SHISA6: variants seen among roughly 807,000 people sequenced by gnomAD.
SHISA6 encodes the protein protein shisa-6.
Under a neutral mutation model 47.9 loss-of-function variants are expected in SHISA6, and 22 were observed. That is an observed-to-expected ratio of 0.46 (90% CI 0.33 to 0.66). SHISA6 has a LOEUF of 0.66. Among genes scored for constraint, SHISA6 ranks in the 30% least tolerant of loss-of-function variants. The pLI is 0.02. For missense variants in SHISA6, 680 were observed against 764.6 expected, an observed-to-expected ratio of 0.89 and a Z score of 1.30; for synonymous variants, 388 against 337.8, an observed-to-expected ratio of 1.15 and a Z score of -1.63.
intron 2 of SHISA6, among the ~76,000 whole-genome samples, chr17:11,297,727 G>T (rs1335271160): frequency 1.3e-5 from 2 of 152,224 alleles, no homozygotes; most frequent in Non-Finnish European, 2.9e-5. Flanking sequence ...GGGAGGGGAA[G>T]CTGCTAGGAC....
chr17:11,416,359 C>G (rs1392888300), intron 3 of SHISA6, among the ~76,000 whole-genome samples: 1 of 152,174 alleles, frequency 6.6e-6, no homozygotes, highest in East Asian at 1.9e-4. Flanking sequence ...TGGTGGATCT[C>G]CAAGACGGCA....
intron 3 of SHISA6, among the ~76,000 whole-genome samples, chr17:11,500,896 T>C (rs1597553933): frequency 6.6e-6 from 1 of 152,140 alleles, no homozygotes. Context: ...CAAAGCATAG[T>C]GTGCCAGGTA....
chr17:11,313,808 C>T (rs551578943), intron 2 of SHISA6, among the ~76,000 whole-genome samples: 1 of 151,964 alleles, frequency 6.6e-6, no homozygotes, highest in East Asian at 1.9e-4. Flanking sequence ...AAGTCAAGAG[C>T]CTGGTGATGC....
intron 2 of SHISA6, among the ~76,000 whole-genome samples, chr17:11,285,108 T>C (rs147683587): frequency 6.6e-6 from 1 of 152,344 alleles, no homozygotes; most frequent in Non-Finnish European, 1.5e-5. Context: ...CAAGGTTTAA[T>C]TGATATATGT....
intron 2 of SHISA6, among the ~76,000 whole-genome samples, chr17:11,277,318 A>ACACACACACACCCC (rs1389004430): frequency 2.3e-5 from 3 of 127,984 alleles, no homozygotes; most frequent in Admixed American, 8.0e-5. Flanking sequence ...ACACACACAC[A>ACACACACACACCCC]CCCCGCATGT....
At position 11,420,009 on chromosome 17, in the gene SHISA6, G is replaced by GC. The variant is rs1914407203; in HGVS notation, c.895+40502dup. 3.3e-5 allele frequency among the ~76,000 whole-genome samples: 5 copies of GC among 152,106 alleles called. No individual in the cohort carries two copies. The South Asian group carries it at 1.0e-3, about 32-fold the overall frequency. ...GGCTGAGGTCAGGAGTTCGAGACCA[G>GC]CCTGGCCAACATGGTGAAACTCTGT... is the stretch of plus-strand genomic sequence containing the variant. On this transcript the variant is annotated intron_variant, in intron 3 of 5. Transcript: ENST00000441885.
chr17:11,299,363 T>C (rs1160512569), intron 2 of SHISA6, among the ~76,000 whole-genome samples: 1 of 152,120 alleles, frequency 6.6e-6, no homozygotes, highest in Non-Finnish European at 1.5e-5. Context: ...CTATTTCTGG[T>C]GTTTTTTTTT....
intron 3 of SHISA6, among the ~76,000 whole-genome samples, chr17:11,466,072 A>G (rs935634686): frequency 2.0e-5 from 3 of 152,180 alleles, no homozygotes; most frequent in Admixed American, 6.5e-5. Flanking sequence ...CTGCAGCACA[A>G]TCTACACACA....
intron 3 of SHISA6, among the ~76,000 whole-genome samples, chr17:11,409,590 G>C (rs981801932): frequency 6.6e-6 from 1 of 151,722 alleles, no homozygotes; most frequent in African/African-American, 2.4e-5. Flanking sequence ...TGTAGTCCCA[G>C]CTACTCAGGA....
intron 3 of SHISA6, among the ~76,000 whole-genome samples, chr17:11,474,078 G>T (rs1333383076): frequency 6.6e-6 from 1 of 152,052 alleles, no homozygotes; most frequent in Non-Finnish European, 1.5e-5. Flanking sequence ...TCCCTGCAAA[G>T]GACATTATCT....
intron 2 of SHISA6, among the ~76,000 whole-genome samples, chr17:11,304,360 C>T (rs923308328): frequency 4.6e-5 from 7 of 152,182 alleles, no homozygotes; most frequent in African/African-American, 1.4e-4. Flanking sequence ...TCAAGATCTA[C>T]CTTTTCCTCC....
chr17:11,438,664 A>G (rs550847646), intron 3 of SHISA6, among the ~76,000 whole-genome samples: 3 of 152,306 alleles, frequency 2.0e-5, no homozygotes, highest in South Asian at 4.1e-4. Context: ...TAAAAGCCCT[A>G]TCTCCAAATA....
In SHISA6 at chr17:11,296,273, G is replaced by A. The variant is rs148541047; in HGVS notation, c.799+32747G>A. Among the ~76,000 whole-genome samples the A allele has an allele frequency of 7.6e-3, 1,154 of 152,248 alleles. 12 individuals carry two copies. The highest frequency in any genetic ancestry group is 0.026 in the African/African-American group (1,089 of 41,540). The stretch of plus-strand genomic sequence containing the variant: ...TGCTGTTTGGAGAATGGGCTGAGGG[G>A]CACAGGAGTGACTTAAAGGAGACTA... On this transcript the variant is annotated intron_variant, in intron 2 of 5. Transcript: ENST00000441885.
At chr17:11,308,051 G>C (rs1910188179) in intron 2 of SHISA6, among the ~76,000 whole-genome samples, 1 of 152,090 alleles carries the variant, frequency 6.6e-6, no homozygotes, top group Non-Finnish European at 1.5e-5. Flanking sequence ...ACTTTGGTGG[G>C]GTAAGGAAGT....
intron 3 of SHISA6, among the ~76,000 whole-genome samples, chr17:11,518,332 T>C (rs2071601996): frequency 6.6e-6 from 1 of 152,182 alleles, no homozygotes; most frequent in Non-Finnish European, 1.5e-5. Flanking sequence ...CTATAATTGA[T>C]AGAGGTCAGT....
intron 2 of SHISA6, among the ~76,000 whole-genome samples, chr17:11,370,288 A>G (rs954436112): frequency 1.3e-5 from 2 of 152,178 alleles, no homozygotes; most frequent in Admixed American, 6.5e-5. Flanking sequence ...CTGAAAGCCT[A>G]TATAATATAC....
At chr17:11,526,013 G>GA (rs10685171) in intron 3 of SHISA6, among the ~76,000 whole-genome samples, 75,504 of 142,202 alleles carry the variant, frequency 0.53, 19,251 homozygotes, top group Admixed American at 0.6. Flanking sequence ...ATCTTAAAAA[G>GA]AAAAAAAAAA....
chr17:11,401,799 T>G (rs1913782695), intron 3 of SHISA6, among the ~76,000 whole-genome samples: 1 of 152,236 alleles, frequency 6.6e-6, no homozygotes, highest in African/African-American at 2.4e-5. Flanking sequence ...GCACAGAACA[T>G]GCAACCTCCC....
chr17:11,402,363 T>C (rs1913805121), intron 3 of SHISA6, among the ~76,000 whole-genome samples: 1 of 152,222 alleles, frequency 6.6e-6, no homozygotes, highest in African/African-American at 2.4e-5. Context: ...AAAATTAGGT[T>C]TCTTATTTGA....
Sources: gnomAD v4.1 joint callset for allele counts (sites outside exome capture counted in the v4.1 genomes callset) on GRCh38, gnomAD v4.1.1 for gene constraint, MANE v1.5 for transcripts, NCBI Gene and HGNC (gene_info 2026-07-23, HGNC 2026-07-21) for gene names.